The following B3GALT1 variants were observed in gnomAD, a reference collection of about 807,000 sequenced individuals.
B3GALT1 encodes UDP-Gal:betaGlcNAc beta 1,3-galactosyltransferase, polypeptide 1.
B3GALT1 carries 10 observed loss-of-function variants against 23.2 expected under a neutral mutation model. The observed-to-expected ratio is 0.43, with a 90% CI of 0.27 to 0.73. The LOEUF (loss-of-function observed/expected upper bound fraction) is 0.73, where lower values mean the gene tolerates loss of function less well. Among genes scored for constraint, B3GALT1 ranks in the 30% least tolerant of loss-of-function variants. The probability of loss-of-function intolerance (pLI) is 0.21; values close to 1 mark genes in which losing one functional copy is unlikely to be tolerated. For missense variants in B3GALT1, 299 were observed against 405.4 expected (o/e 0.74, Z 2.25); for synonymous variants, 156 against 141.5 (o/e 1.10, Z -0.73).
chr2:167,463,725 A>G (rs1699301472), intron 1 of B3GALT1, among the ~76,000 whole-genome samples: 1 of 152,210 alleles, frequency 6.6e-6, no homozygotes, highest in Admixed American at 6.5e-5. Context: ...GGAGTAGCCA[A>G]GTAAAAGATA....
chr2:167,454,222 CGTGCACGTGTGTGCATGTATGT>C (rs773671485), intron 1 of B3GALT1, among the ~76,000 whole-genome samples: 72 of 138,340 alleles, frequency 5.2e-4, no homozygotes, highest in Admixed American at 9.7e-4. Context: ...CGCACGCGCG[CGTGCACGTGTGTGCATGTATGT>C]GTGCACGTGC....
intron 1 of B3GALT1, among the ~76,000 whole-genome samples, chr2:167,402,346 T>A (rs1479126266): frequency 6.6e-6 from 1 of 152,054 alleles, no homozygotes; most frequent in Non-Finnish European, 1.5e-5. Context: ...GAACACCATA[T>A]TTTTTTAAGT....
At chr2:167,608,241 G>T (rs1025840367) in intron 2 of B3GALT1, among the ~76,000 whole-genome samples, 2 of 152,116 alleles carry the variant, frequency 1.3e-5, no homozygotes, top group African/African-American at 4.8e-5. Context: ...AACATAAGTG[G>T]ACAACTAATA....
At chr2:167,556,253 A>C (rs1308775398) in intron 2 of B3GALT1, among the ~76,000 whole-genome samples, 2 of 152,174 alleles carry the variant, frequency 1.3e-5, no homozygotes, top group East Asian at 3.8e-4. Flanking sequence ...TGAATTAAAA[A>C]AATACTGCTG....
At chr2:167,561,133 G>A (rs546051751) in intron 2 of B3GALT1, among the ~76,000 whole-genome samples, 42 of 152,256 alleles carry the variant, frequency 2.8e-4, no homozygotes, top group African/African-American at 5.8e-4. Flanking sequence ...TCAAACTAGA[G>A]CTCAGGATTA....
chr2:167,615,114 A>G (rs1164872704), intron 2 of B3GALT1, among the ~76,000 whole-genome samples: 1 of 152,230 alleles, frequency 6.6e-6, no homozygotes, highest in South Asian at 2.1e-4. Context: ...TTTGAGTTAC[A>G]TGACACTTCT....
At chr2:167,728,596 G>T (rs995039602) in intron 3 of B3GALT1, among the ~76,000 whole-genome samples, 16 of 152,136 alleles carry the variant, frequency 1.1e-4, no homozygotes, top group African/African-American at 3.9e-4. Flanking sequence ...TTTCTGATCT[G>T]CTTAGTAACT....
chr2:167,587,708 C>T (rs552398828), intron 2 of B3GALT1, among the ~76,000 whole-genome samples: 86 of 152,316 alleles, frequency 5.6e-4, no homozygotes, highest in African/African-American at 2.0e-3. Flanking sequence ...TTTGTATTTT[C>T]TTCACAAGAC....
chr2:167,352,914 A>G (rs1697340056), intron 1 of B3GALT1, among the ~76,000 whole-genome samples: 1 of 152,192 alleles, frequency 6.6e-6, no homozygotes, highest in Non-Finnish European at 1.5e-5. Context: ...ATCTTAGGAT[A>G]ATGATAATGA....
At chr2:167,744,583 CCTAT>C (rs2105279533) in intron 3 of B3GALT1, among the ~76,000 whole-genome samples, 1 of 151,888 alleles carries the variant, frequency 6.6e-6, no homozygotes, top group East Asian at 1.9e-4. Flanking sequence ...TTCTTATAGG[CCTAT>C]CTCTTTTTCT....
chr2:167,463,275 A>G (rs1329102791), intron 1 of B3GALT1, among the ~76,000 whole-genome samples: 1 of 152,146 alleles, frequency 6.6e-6, no homozygotes, highest in African/African-American at 2.4e-5. Flanking sequence ...CATAATGCCT[A>G]GCAGTATCAG....
intron 1 of B3GALT1, among the ~76,000 whole-genome samples, chr2:167,445,115 G>T (rs552549452): frequency 2.0e-5 from 3 of 152,054 alleles, no homozygotes; most frequent in African/African-American, 7.2e-5. Context: ...CTTTCATTTC[G>T]TTATGTACCC....
Position 167,806,945 on chromosome 2 carries a change from T to G in B3GALT1, c.-351-11727T>G, listed in dbSNP as rs372223861. On this transcript the variant is annotated intron_variant, in intron 3 of 4. Transcript: ENST00000392690. ...ATTCGGCTGTGAATCAGTCTGGTCC[T>G]GGACTTTTTTTGGTTAGTAAGCTAT... Among the ~76,000 whole-genome samples, 25 of 152,330 alleles carry G rather than the reference T, an allele frequency of 1.6e-4. No individual in the cohort carries two copies. In the East Asian group the frequency reaches 3.7e-3, roughly 22 times the overall value.
intron 1 of B3GALT1, among the ~76,000 whole-genome samples, chr2:167,407,901 A>G (rs1199198652): frequency 6.6e-6 from 1 of 152,118 alleles, no homozygotes; most frequent in East Asian, 1.9e-4. Flanking sequence ...CCAAACACTT[A>G]AAGAAAAACT....
chr2:167,565,208 C>G (rs190781956), intron 2 of B3GALT1, among the ~76,000 whole-genome samples: 6 of 152,248 alleles, frequency 3.9e-5, no homozygotes, highest in Non-Finnish European at 5.9e-5. Flanking sequence ...TGCTGCATAT[C>G]TACAACTATC....
rs73019356 is a variant in B3GALT1, at chr2:167,741,503, G to C, written c.-351-77169G>C. On this transcript the variant is annotated intron_variant, in intron 3 of 4. Coordinates refer to ENST00000392690, the MANE Select transcript of B3GALT1 (RefSeq NM_020981.4). The stretch of plus-strand genomic sequence containing the variant: ...CATCACAGGTGTAGGAGATAAGGGG[G>C]TGCATTGTTTCCAAATTATTTAGAA... Among the ~76,000 whole-genome samples, 542 of 152,224 alleles carry C rather than the reference G, an allele frequency of 3.6e-3. 4 individuals are homozygous for C. The highest frequency in any genetic ancestry group is 0.012 in the African/African-American group (512 of 41,514).
Position 167,467,836 on chromosome 2 carries a change from A to G in B3GALT1, c.-510-22341A>G, listed in dbSNP as rs575844860. ...AATGTATTCATTGATTCATTTATTC[A>G]TTCATTCATTCAAAAATATATATTA... is the stretch of plus-strand genomic sequence containing the variant. On this transcript the variant is annotated intron_variant, in intron 1 of 4. Transcript: ENST00000392690. Among the ~76,000 whole-genome samples, 68 of 151,230 alleles carry G rather than the reference A, an allele frequency of 4.5e-4. 1 individual carries two copies. The South Asian group carries it at 0.013, about 30-fold the overall frequency.
chr2:167,849,657 G>T (rs185248083), intron 4 of B3GALT1, among the ~76,000 whole-genome samples: 19 of 152,266 alleles, frequency 1.2e-4, no homozygotes, highest in Admixed American at 3.3e-4. Context: ...GGAGGCCGAG[G>T]CGGGTGGATC....
chr2:167,561,409 A>C (rs1266794775), intron 2 of B3GALT1, among the ~76,000 whole-genome samples: 1 of 152,126 alleles, frequency 6.6e-6, no homozygotes, highest in African/African-American at 2.4e-5. Flanking sequence ...GAAAAGCAAG[A>C]GCAAACACAT....
Sources: allele counts gnomAD v4.1 joint callset (sites outside exome capture counted in the v4.1 genomes callset), GRCh38; gene constraint gnomAD v4.1.1; transcripts MANE v1.5; gene names NCBI Gene and HGNC (gene_info 2026-07-23, HGNC 2026-07-21).